The following SIPA1L3 variants were observed in gnomAD, a reference collection of about 807,000 sequenced individuals.
The protein encoded by SIPA1L3 is signal induced proliferation associated 1 like 3.
A neutral mutation model predicts 150.1 loss-of-function variants in SIPA1L3; 59 were observed. The ratio of observed to expected loss-of-function variants is 0.39; its 90% CI spans 0.32 to 0.49. The LOEUF (loss-of-function observed/expected upper bound fraction) is 0.49, where lower values mean the gene tolerates loss of function less well. Ranked by LOEUF, SIPA1L3 falls within the 20% of genes least tolerant of loss-of-function variation. The pLI is 0.86. For missense variants in SIPA1L3, 2,211 were observed against 2,489.5 expected (o/e 0.89, Z 2.38); for synonymous variants, 1,070 against 1,077.6 (o/e 0.99, Z 0.14).
chr19:38,176,154 T>C (rs1227727561), intron 15 of SIPA1L3, among the ~76,000 whole-genome samples: 1 of 151,476 alleles, frequency 6.6e-6, no homozygotes, highest in African/African-American at 2.4e-5. Context: ...GGATTACAGG[T>C]GCACACCGTC....
intron 15 of SIPA1L3, among the ~76,000 whole-genome samples, chr19:38,170,762 C>G (rs1972310581): frequency 1.3e-5 from 2 of 151,996 alleles, no homozygotes; most frequent in African/African-American, 2.4e-5. Flanking sequence ...GGATGCAGAG[C>G]TGGAGGAGGT....
At chr19:38,199,063 G>C (rs1265024504) in intron 19 of SIPA1L3, among the ~76,000 whole-genome samples, 2 of 152,250 alleles carry the variant, frequency 1.3e-5, no homozygotes, top group African/African-American at 4.8e-5. Context: ...TGAGGGTCCT[G>C]CCAAGACCTT....
At chr19:37,969,055 C>G (rs909439918) in intron 1 of SIPA1L3, among the ~76,000 whole-genome samples, 3 of 152,162 alleles carry the variant, frequency 2.0e-5, no homozygotes, top group East Asian at 1.9e-4. Context: ...CTCTAATATG[C>G]TCCAGTGCTT....
At chr19:37,988,232 G>A (rs1487406946) in intron 1 of SIPA1L3, among the ~76,000 whole-genome samples, 1 of 152,214 alleles carries the variant, frequency 6.6e-6, no homozygotes, top group Non-Finnish European at 1.5e-5. Context: ...CAAGAGAAAA[G>A]TCAAGGCCAG....
chr19:38,072,620 A>G (rs1157486150), intron 2 of SIPA1L3, among the ~76,000 whole-genome samples: 1 of 152,256 alleles, frequency 6.6e-6, no homozygotes, highest in Non-Finnish European at 1.5e-5. Context: ...CACTCCTGGT[A>G]AAGACATCAC....
Position 38,047,256 on chromosome 19 carries a change from A to C in SIPA1L3, c.-311+18100A>C, listed in dbSNP as rs1478323803. On this transcript the variant is annotated intron_variant, in intron 2 of 21. Transcript: ENST00000222345. The surrounding 1 kb of genome is among the most constrained non-coding windows in gnomAD (Gnocchi z 4.7). Reference sequence around the variant, plus strand: ...CACGCACGCACACACGCACGCACTCACACACACTCCTACACATTCCTCTCT... The same window carrying C: ...CACGCACGCACACACGCACGCACTCCCACACACTCCTACACATTCCTCTCT... Among the ~76,000 whole-genome samples, 2 of 152,068 alleles carry C rather than the reference A, an allele frequency of 1.3e-5. No homozygotes were observed. The highest frequency in any genetic ancestry group is 4.8e-5 in the African/African-American group (2 of 41,384).
At chr19:38,152,300 G>A (rs1186378601) in intron 12 of SIPA1L3, among the ~76,000 whole-genome samples, 5 of 152,152 alleles carry the variant, frequency 3.3e-5, no homozygotes, top group Non-Finnish European at 5.9e-5. Context: ...TACTGTTATC[G>A]CCTCTTGACA....
At chr19:38,176,785 A>G (rs1031828315) in intron 15 of SIPA1L3, among the ~76,000 whole-genome samples, 1 of 152,132 alleles carries the variant, frequency 6.6e-6, no homozygotes. Context: ...CAGCCTGACC[A>G]ATATGGAGAA....
intron 1 of SIPA1L3, among the ~76,000 whole-genome samples, chr19:37,941,725 T>C (rs771334204): frequency 1.6e-4 from 25 of 152,324 alleles, no homozygotes; most frequent in African/African-American, 5.8e-4. Flanking sequence ...TCAGACCTTA[T>C]AGTCTTTGGT....
intron 15 of SIPA1L3, among the ~76,000 whole-genome samples, chr19:38,170,581 G>A (rs575517005): frequency 7.2e-5 from 11 of 152,190 alleles, no homozygotes; most frequent in South Asian, 2.1e-4. Flanking sequence ...CACAGCGAGC[G>A]CCTGCTGTGC....
At chr19:37,985,970 G>C (rs1967340419) in intron 1 of SIPA1L3, among the ~76,000 whole-genome samples, 1 of 152,268 alleles carries the variant, frequency 6.6e-6, no homozygotes, top group Admixed American at 6.5e-5. Context: ...TGCGAGCAAA[G>C]CGGTGGCGCT....
chr19:37,911,423 G>T (rs565656588), intron 1 of SIPA1L3, among the ~76,000 whole-genome samples: 1 of 151,968 alleles, frequency 6.6e-6, no homozygotes, highest in African/African-American at 2.4e-5. Flanking sequence ...CTTTTCAACA[G>T]CTGTACCCAC....
rs138004804 is a variant in SIPA1L3 at position 38,072,031 on chromosome 19, C to T, written c.-310-9225C>T. 3.9e-5 allele frequency among the ~76,000 whole-genome samples: 6 copies of T among 152,268 alleles called. No individual in the cohort carries two copies. In the East Asian group the frequency reaches 5.8e-4, roughly 15 times the overall value. On this transcript the variant is annotated intron_variant, in intron 2 of 21. Transcript: ENST00000222345. ...GAGCTGGAGATGTTTTCCGCATTGG[C>T]GACACACGTTTAAATGAGAATCACA...
At chr19:37,967,014 A>C (rs1246136618) in intron 1 of SIPA1L3, among the ~76,000 whole-genome samples, 1 of 152,120 alleles carries the variant, frequency 6.6e-6, no homozygotes, top group Non-Finnish European at 1.5e-5. Context: ...TAGCCTAAAC[A>C]ACAGAAATTT....
intron 2 of SIPA1L3, among the ~76,000 whole-genome samples, chr19:38,077,409 C>G (rs2145811977): frequency 6.6e-6 from 1 of 152,104 alleles, no homozygotes; most frequent in East Asian, 1.9e-4. Context: ...TATGATTGTA[C>G]CACTGCACTC....
At chr19:38,075,571 A>C (rs960801437) in intron 2 of SIPA1L3, among the ~76,000 whole-genome samples, 1 of 150,046 alleles carries the variant, frequency 6.7e-6, no homozygotes, top group African/African-American at 2.5e-5. Flanking sequence ...CCTCGAGGCC[A>C]GGAGTTTGAG....
intron 2 of SIPA1L3, among the ~76,000 whole-genome samples, chr19:38,080,346 T>C (rs1969946417): frequency 6.6e-6 from 1 of 152,174 alleles, no homozygotes; most frequent in African/African-American, 2.4e-5. Flanking sequence ...ACATGTTAAG[T>C]GGCACCTCAG....
intron 1 of SIPA1L3, among the ~76,000 whole-genome samples, chr19:38,000,610 A>G (rs1967759887): frequency 6.7e-6 from 1 of 150,256 alleles, no homozygotes; most frequent in African/African-American, 2.4e-5. Flanking sequence ...GCTTAATTTC[A>G]TCGTTGAAAA....
intron 1 of SIPA1L3, among the ~76,000 whole-genome samples, chr19:37,919,929 C>T (rs770785683): frequency 1.3e-5 from 2 of 151,682 alleles, no homozygotes; most frequent in Non-Finnish European, 2.9e-5. Flanking sequence ...AGGCTGGTCT[C>T]GAACTCCCGA....
Sources: gnomAD v4.1 joint callset for allele counts (sites outside exome capture counted in the v4.1 genomes callset) on GRCh38, gnomAD v4.1.1 for gene constraint, Gnocchi (gnomAD v3.1) non-coding constraint, MANE v1.5 for transcripts, NCBI Gene and HGNC (gene_info 2026-07-23, HGNC 2026-07-21) for gene names.